CPS1: variants seen among roughly 807,000 people sequenced by gnomAD.
CPS1 encodes the protein carbamoyl-phosphate synthase [ammonia], mitochondrial.
Under a neutral mutation model 174.6 loss-of-function variants are expected in CPS1, and 109 were observed. The observed-to-expected ratio is 0.62, with a 90% CI of 0.53 to 0.73. The LOEUF (loss-of-function observed/expected upper bound fraction) is 0.73. Ranked by LOEUF, CPS1 falls within the 30% of genes least tolerant of loss-of-function variation. CPS1 has a pLI of 0.00. For missense variants in CPS1, 1,689 were observed against 1,821.9 expected (o/e 0.93, Z 1.33); for synonymous variants, 637 against 632.0 (o/e 1.01, Z -0.12).
At chr2:210,480,747 T>C (rs1482718603) in intron 1 of CPS1, among the ~76,000 whole-genome samples, 1 of 152,222 alleles carries the variant, frequency 6.6e-6, no homozygotes, top group Non-Finnish European at 1.5e-5. Flanking sequence ...CTTGTCTCTT[T>C]TTTTGTTGTT....
chr2:210,620,976 T>C (rs1311085713), intron 21 of CPS1, among the ~76,000 whole-genome samples: 1 of 152,076 alleles, frequency 6.6e-6, no homozygotes, highest in African/African-American at 2.4e-5. Context: ...ATAGTAGCAA[T>C]GGCAACCCTC....
rs764687902 is a variant in CPS1 at position 210,677,117 on chromosome 2, C to T, written c.4385C>T (p.Pro1462Leu). ...IRRTAVDSGI[P>L]LLTNFQVTKL... ...AGGACAGCTGTTGATAGTGGAATCC[C>T]TCTCCTCACTAATTTTCAGGTATAG... Residue 1462 changes from proline to leucine, a missense_variant, in exon 37 of 38, where the codon CCT becomes CTT. Pro to Leu is a moderately conservative substitution (Grantham distance 98). Coordinates refer to ENST00000233072, the MANE Select transcript of CPS1 (RefSeq NM_001875.5). 6 of 1,613,832 alleles carry T rather than the reference C, an allele frequency of 3.7e-6. No individual in the cohort carries two copies. Among genetic ancestry groups the T allele is most frequent in the South Asian group, 2.2e-5 (2 of 91,068 alleles).
intron 1 of CPS1, among the ~76,000 whole-genome samples, chr2:210,572,899 C>T (rs1257949935): frequency 6.6e-6 from 1 of 151,958 alleles, no homozygotes; most frequent in African/African-American, 2.4e-5. Flanking sequence ...CTGTATGGTA[C>T]AATTCACAAT....
intron 27 of CPS1, among the ~76,000 whole-genome samples, chr2:210,648,984 A>G (rs1213855458): frequency 6.6e-6 from 1 of 152,232 alleles, no homozygotes; most frequent in African/African-American, 2.4e-5. Context: ...GATAAATTAT[A>G]AGGGTGAGGA....
chr2:210,528,778 G>C (rs2105997413), intron 1 of CPS1, among the ~76,000 whole-genome samples: 1 of 146,674 alleles, frequency 6.8e-6, no homozygotes, highest in East Asian at 2.1e-4. Flanking sequence ...AAGAGGATTT[G>C]AAATAGAGTA....
intron 1 of CPS1, among the ~76,000 whole-genome samples, chr2:210,511,082 G>A (rs1371983067): frequency 2.0e-5 from 3 of 150,332 alleles, no homozygotes; most frequent in Admixed American, 6.7e-5. Flanking sequence ...ACATGCACAC[G>A]TATGTTTATT....
At position 210,629,464 on chromosome 2, in the gene CPS1, G is replaced by A. The variant is rs1204180242; in HGVS notation, c.2688-8238G>A. ...CGAGTAGCTCGGACTACAGGCGCCT[G>A]CCACCACGCCCAGCTAATTTTTTTG... On this transcript the variant is annotated intron_variant, in intron 21 of 37. Transcript: ENST00000233072. Among the ~76,000 whole-genome samples, 4 of 151,814 alleles carry A rather than the reference G, an allele frequency of 2.6e-5. No homozygotes were observed. The East Asian group carries it at 5.9e-4, about 22-fold the overall frequency.
intron 25 of CPS1, among the ~76,000 whole-genome samples, chr2:210,643,056 T>A (rs73984676): frequency 0.052 from 7,929 of 152,230 alleles, 726 homozygotes; most frequent in African/African-American, 0.18. Context: ...TTCTAGTTTG[T>A]GTGATGTGGT....
chr2:210,653,999 G>T, intron 28 of CPS1, 26 bp from the exon 29 acceptor site: 1 of 1,592,870 alleles, frequency 6.3e-7, no homozygotes, highest in South Asian at 1.1e-5. Context: ...CTAAATGTTC[G>T]GCTCCTCTGT....
intron 1 of CPS1, among the ~76,000 whole-genome samples, chr2:210,504,014 T>C (rs1559739034): frequency 6.6e-6 from 1 of 152,188 alleles, no homozygotes; most frequent in African/African-American, 2.4e-5. Context: ...AATAGGAAGA[T>C]GTGTTGTGAT....
chr2:210,503,295 G>T (rs997214660), intron 1 of CPS1, among the ~76,000 whole-genome samples: 1 of 152,138 alleles, frequency 6.6e-6, no homozygotes, highest in Admixed American at 6.5e-5. Flanking sequence ...GAAGCTTCGT[G>T]GGGGAATGAC....
chr2:210,627,252 A>AT (rs1442168864), intron 21 of CPS1, among the ~76,000 whole-genome samples: 2 of 152,024 alleles, frequency 1.3e-5, no homozygotes, highest in African/African-American at 4.8e-5. Context: ...TGTAAACAGG[A>AT]TTTTCAAGGG....
intron 1 of CPS1, among the ~76,000 whole-genome samples, chr2:210,513,595 T>C (rs948037854): frequency 2.6e-5 from 4 of 151,978 alleles, no homozygotes; most frequent in African/African-American, 4.8e-5. Flanking sequence ...TAGTAGACCT[T>C]TGTTGGATGC....
At chr2:210,502,462 G>T (rs199511049) in intron 1 of CPS1, among the ~76,000 whole-genome samples, 10 of 138,882 alleles carry the variant, frequency 7.2e-5, no homozygotes, top group Admixed American at 2.9e-4. Flanking sequence ...GATACATATA[G>T]ATATATATAT....
chr2:210,662,288 GT>G (rs1159791010), intron 32 of CPS1, among the ~76,000 whole-genome samples: 2 of 152,024 alleles, frequency 1.3e-5, no homozygotes, highest in Non-Finnish European at 2.9e-5. Context: ...AAATTACTTA[GT>G]AATTGTCAAT....
In CPS1 at chr2:210,648,485, G is replaced by A. The variant is rs779856996; in HGVS notation, c.3349G>A (p.Glu1117Lys). 1.2e-5 allele frequency: 19 copies of A among 1,613,154 alleles called. No homozygotes were observed. The highest frequency in any genetic ancestry group is 1.5e-5 in the Non-Finnish European group (18 of 1,179,390). ...KAVNTLNEALEFAKSVDYPCL... is the reference protein window; with the variant it reads ...KAVNTLNEALKFAKSVDYPCL... Reference sequence around the variant, plus strand: ...TTCTATTAATTAGAATGAAGCACTGGAATTTGCAAAGTCTGTGGACTACCC... The same window carrying A: ...TTCTATTAATTAGAATGAAGCACTGAAATTTGCAAAGTCTGTGGACTACCC... The change falls in exon 27 of 38, where the codon GAA becomes AAA. Residue 1117 changes from glutamate (E) to lysine (K), a missense_variant. Transcript: ENST00000233072.
chr2:210,529,700 A>G (rs10198609), intron 1 of CPS1, among the ~76,000 whole-genome samples: 14 of 152,130 alleles, frequency 9.2e-5, no homozygotes, highest in African/African-American at 2.9e-4. Flanking sequence ...GTCTTACTTC[A>G]CATTAGAAGT....
intron 15 of CPS1, 105 bp from the exon 16 acceptor site, chr2:210,602,097 C>G: frequency 3.0e-6 from 4 of 1,317,210 alleles, no homozygotes; most frequent in Non-Finnish European, 4.3e-6. Flanking sequence ...TAGATTCACT[C>G]TCCCCACATA....
chr2:210,594,618 G>C lies in CPS1; in HGVS notation c.1263+12G>C. 6.3e-7 allele frequency: 1 copy of C among 1,596,878 alleles called. No homozygotes were observed. Among genetic ancestry groups the C allele is most frequent in the Admixed American group, 1.7e-5 (1 of 59,696 alleles). Reference sequence around the variant, plus strand: ...CATCTCGGGTTGAGGTCAGTATGTGGGCTTATTTTTGGTTTATGAATTTTG... The same window carrying C: ...CATCTCGGGTTGAGGTCAGTATGTGCGCTTATTTTTGGTTTATGAATTTTG... On this transcript the variant is annotated intron_variant, in intron 12 of 37. Coordinates refer to ENST00000233072, the MANE Select transcript of CPS1 (RefSeq NM_001875.5).
Sources: gnomAD v4.1 joint callset for allele counts (sites outside exome capture counted in the v4.1 genomes callset) on GRCh38, gnomAD v4.1.1 for gene constraint, MANE v1.5 for transcripts, NCBI Gene and HGNC (gene_info 2026-07-23, HGNC 2026-07-21) for gene names.